SRPK1: variants seen among roughly 807,000 people sequenced by gnomAD.
SRPK1 encodes the protein SRSF protein kinase 1, also known as SFRS protein kinase 1.
Under a neutral mutation model 89.5 loss-of-function variants are expected in SRPK1, and 52 were observed. The ratio of observed to expected loss-of-function variants is 0.58; its 90% CI spans 0.46 to 0.73. The LOEUF (loss-of-function observed/expected upper bound fraction) is 0.73, where lower values mean the gene tolerates loss of function less well. SRPK1 is among the 30% of genes least tolerant of loss of function. The probability of loss-of-function intolerance (pLI) is 0.00; values close to 1 mark genes in which losing one functional copy is unlikely to be tolerated. For synonymous variants in SRPK1, 255 were observed against 270.2 expected (o/e 0.94, Z 0.55); for missense variants, 603 against 780.6 (o/e 0.77, Z 2.71).
chr6:35,895,726 C>G (rs1160713051), intron 2 of SRPK1: 2 of 152,280 alleles, frequency 1.3e-5, no homozygotes, highest in African/African-American at 2.4e-5. Flanking sequence ...GAATGATGCA[C>G]AGAGAGGCCA....
intron 2 of SRPK1, among the ~76,000 whole-genome samples, chr6:35,910,583 A>G (rs994389544): frequency 6.6e-6 from 1 of 152,222 alleles, no homozygotes; most frequent in Non-Finnish European, 1.5e-5. Context: ...GCTATACTAA[A>G]CAGCAGATTT....
At chr6:35,887,917 T>C (rs920120150) in intron 5 of SRPK1, 107 bp downstream of exon 5, 4 of 741,894 alleles carry the variant, frequency 5.4e-6, no homozygotes, top group Non-Finnish European at 8.0e-6. Flanking sequence ...TAGAACTTTA[T>C]AGAGAAAATT....
intron 2 of SRPK1, among the ~76,000 whole-genome samples, chr6:35,902,682 CTG>C (rs1295846463): frequency 2.0e-5 from 3 of 152,156 alleles, no homozygotes; most frequent in African/African-American, 7.2e-5. Flanking sequence ...AAATCCGGGA[CTG>C]TGTAATTCAA....
intron 2 of SRPK1, among the ~76,000 whole-genome samples, chr6:35,911,582 T>A (rs78193190): frequency 0.017 from 2,544 of 151,898 alleles, 76 homozygotes; most frequent in African/African-American, 0.057. Context: ...TTAATTTTTT[T>A]AAAAAATAAG....
chr6:35,912,598 G>A (rs945671803), intron 2 of SRPK1, among the ~76,000 whole-genome samples: 1 of 152,154 alleles, frequency 6.6e-6, no homozygotes, highest in African/African-American at 2.4e-5. Context: ...GGAACTGAAC[G>A]TGAACCCATA....
chr6:35,838,257 A>C (rs1190687122), intron 15 of SRPK1, 80 bp downstream of exon 15: 1 of 935,252 alleles, frequency 1.1e-6, no homozygotes, highest in African/African-American at 1.7e-5. Context: ...ATCATTCTGT[A>C]GGACATTGGG....
chr6:35,842,739 A>C lies in SRPK1; in HGVS notation c.1621-135T>G, dbSNP rs866294908. The C allele has an allele frequency of 1.5e-4, 77 of 520,054 alleles. No homozygotes were observed. The Middle Eastern group carries it at 1.9e-3, about 13-fold the overall frequency. The allele number at this position is 520,054 out of a possible 1,614,324, so 32.2% of individuals were successfully genotyped here. On this transcript the variant is annotated intron_variant, in intron 13 of 15. Transcript: ENST00000373825. ...TTATAGATCATTTAAAAAAAAAAAAAAACAAAAACTTAAGATTATTCCTAA... is the reference window on the plus strand; with the variant it reads ...TTATAGATCATTTAAAAAAAAAAAACAACAAAAACTTAAGATTATTCCTAA...
intron 2 of SRPK1, among the ~76,000 whole-genome samples, chr6:35,896,103 G>A (rs1561991277): frequency 6.6e-6 from 1 of 152,150 alleles, no homozygotes. Context: ...GAGGTGTCAT[G>A]GGAAACACAA....
At chr6:35,876,636 C>T (rs995298626) in intron 6 of SRPK1, among the ~76,000 whole-genome samples, 3 of 152,140 alleles carry the variant, frequency 2.0e-5, no homozygotes, top group Admixed American at 6.5e-5. Flanking sequence ...AGTGACACCC[C>T]GTCACAAAAA....
intron 6 of SRPK1, among the ~76,000 whole-genome samples, chr6:35,880,295 G>T (rs1404537675): frequency 6.6e-6 from 1 of 152,098 alleles, no homozygotes; most frequent in Non-Finnish European, 1.5e-5. Context: ...CAGCAAACCT[G>T]AAGTTAGGGT....
intron 6 of SRPK1, among the ~76,000 whole-genome samples, chr6:35,880,076 GAAA>G (rs34517286): frequency 1.0e-5 from 1 of 95,844 alleles, no homozygotes; most frequent in Non-Finnish European, 2.1e-5. Context: ...CCTTGTCTCA[GAAA>G]AAAAAAAAAA....
At chr6:35,915,864 C>T (rs1454926165) in intron 2 of SRPK1, among the ~76,000 whole-genome samples, 1 of 151,104 alleles carries the variant, frequency 6.6e-6, no homozygotes, top group African/African-American at 2.4e-5. Flanking sequence ...CCCAGCTACT[C>T]TGGAGGCTGA....
At position 35,834,514 on chromosome 6, in the gene SRPK1, AAAAC is replaced by A. The variant is rs1769133775; in HGVS notation, c.*786_*789del. 1 of 152,104 alleles carries A rather than the reference AAAAC, an allele frequency of 6.6e-6. No individual in the cohort carries two copies. The highest frequency in any genetic ancestry group is 2.1e-4 in the South Asian group (1 of 4,704). The allele number at this position is 152,104 out of a possible 1,614,324, so 9.4% of individuals were successfully genotyped here. ...AGCCATGGATACAAAAACAAAAAAT[AAAAC>A]AAAACAACCAACCAAAATAACTCTG... On this transcript the variant is annotated 3_prime_UTR_variant, in exon 16 of 16. Coordinates refer to ENST00000373825, the MANE Select transcript of SRPK1 (RefSeq NM_003137.5).
intron 13 of SRPK1, among the ~76,000 whole-genome samples, chr6:35,856,392 C>T (rs377446375): frequency 4.0e-5 from 6 of 151,678 alleles, no homozygotes; most frequent in Admixed American, 2.6e-4. Flanking sequence ...GTAATGCAAA[C>T]CTCTTAATTT....
rs1265008598 is a variant in SRPK1 at position 35,915,364 on chromosome 6, G to A, written c.74+5104C>T. Among the ~76,000 whole-genome samples the A allele has an allele frequency of 4.5e-5, 6 of 134,734 alleles. No individual in the cohort carries two copies. In the Admixed American group the frequency reaches 5.1e-4, roughly 11 times the overall value. 88.4% of individuals were successfully genotyped at this position (134,734 alleles called of 152,430 possible). A position where few individuals can be genotyped will look rare whatever the true frequency, so the allele number is the denominator to read the frequency against. ...GGAGCTTGCAGTGAGCCGAGATCACGCCACTGCACTCCAGCCTGGACGACA... is the reference window on the plus strand; with the variant it reads ...GGAGCTTGCAGTGAGCCGAGATCACACCACTGCACTCCAGCCTGGACGACA... On this transcript the variant is annotated intron_variant, in intron 2 of 15. Transcript: ENST00000373825.
At chr6:35,912,605 C>A (rs1292268390) in intron 2 of SRPK1, among the ~76,000 whole-genome samples, 1 of 152,116 alleles carries the variant, frequency 6.6e-6, no homozygotes, top group Admixed American at 6.5e-5. Context: ...AACGTGAACC[C>A]ATAGTATCTC....
chr6:35,857,428 T>C (rs1769688126), intron 12 of SRPK1, 60 bp from the exon 13 acceptor site: 2 of 1,265,774 alleles, frequency 1.6e-6, no homozygotes, highest in Non-Finnish European at 2.2e-6. Context: ...AAGTCAATAC[T>C]GCTTAATAAT....
intron 13 of SRPK1, among the ~76,000 whole-genome samples, chr6:35,846,730 T>A (rs1215749017): frequency 6.6e-6 from 1 of 151,930 alleles, no homozygotes; most frequent in African/African-American, 2.4e-5. Flanking sequence ...CCTACAAAGA[T>A]TGAACCATGA....
chr6:35,870,772 G>A lies in SRPK1; in HGVS notation c.777+162C>T, dbSNP rs371711050. On this transcript the variant is annotated intron_variant, in intron 9 of 15. Coordinates refer to ENST00000373825, the MANE Select transcript of SRPK1 (RefSeq NM_003137.5). ...TTAGAGGCCTCACCAGTACAAATGTGATGAAGGTGCATGGGAATTTACTGG... is the reference window on the plus strand; with the variant it reads ...TTAGAGGCCTCACCAGTACAAATGTAATGAAGGTGCATGGGAATTTACTGG... Among the ~76,000 whole-genome samples, 33 of 152,286 alleles carry A rather than the reference G, an allele frequency of 2.2e-4. No homozygotes were observed. The East Asian group carries it at 4.0e-3, about 19-fold the overall frequency.
Sources: allele counts gnomAD v4.1 joint callset (sites outside exome capture counted in the v4.1 genomes callset), GRCh38; gene constraint gnomAD v4.1.1; transcripts MANE v1.5; gene names NCBI Gene and HGNC (gene_info 2026-07-23, HGNC 2026-07-21).